GRXCR2: variants seen among roughly 807,000 people sequenced by gnomAD.
GRXCR2 encodes glutaredoxin and cysteine rich domain containing 2.
A neutral mutation model predicts 24.8 loss-of-function variants in GRXCR2; 23 were observed. The observed-to-expected ratio is 0.93, with a 90% CI of 0.67 to 1.32. The LOEUF (loss-of-function observed/expected upper bound fraction) is 1.32, where lower values mean the gene tolerates loss of function less well. Ranked by LOEUF, GRXCR2 falls within the 40% of genes most tolerant of loss-of-function variation. The probability of loss-of-function intolerance (pLI) is 0.00; values close to 1 mark genes in which losing one functional copy is unlikely to be tolerated. For synonymous variants in GRXCR2, 130 were observed against 116.1 expected (o/e 1.12, Z -0.77); for missense variants, 315 against 303.4 (o/e 1.04, Z -0.28).
At chr5:145,888,035 T>C (rs1436737156) in intron 2 of GRXCR2, among the ~76,000 whole-genome samples, 1 of 152,240 alleles carries the variant, frequency 6.6e-6, no homozygotes, top group East Asian at 1.9e-4. Flanking sequence ...CAGGTAATTG[T>C]TTAATTTATT....
chr5:145,923,979 G>A (rs1419041004), intron 2 of GRXCR2, among the ~76,000 whole-genome samples: 1 of 152,094 alleles, frequency 6.6e-6, no homozygotes, highest in Non-Finnish European at 1.5e-5. Flanking sequence ...GAATTACTGA[G>A]TGAAATGGAA....
intron 2 of GRXCR2, among the ~76,000 whole-genome samples, chr5:145,909,497 C>G (rs73308191): frequency 0.016 from 2,478 of 152,288 alleles, 64 homozygotes; most frequent in African/African-American, 0.056. Context: ...GAAGACTTTC[C>G]TGACCATCAA....
intron 2 of GRXCR2, among the ~76,000 whole-genome samples, chr5:145,883,517 A>G (rs528970104): frequency 1.2e-4 from 18 of 152,284 alleles, no homozygotes; most frequent in Non-Finnish European, 2.2e-4. Flanking sequence ...AAAAGAAATG[A>G]CTTTAACTTA....
At chr5:145,910,897 C>A (rs1757155755) in intron 2 of GRXCR2, among the ~76,000 whole-genome samples, 1 of 151,962 alleles carries the variant, frequency 6.6e-6, no homozygotes, top group Non-Finnish European at 1.5e-5. Flanking sequence ...CAACTACAGG[C>A]ACATCCCCAC....
intron 1 of GRXCR2, among the ~76,000 whole-genome samples, chr5:145,868,220 C>T (rs939918758): frequency 6.6e-6 from 1 of 152,142 alleles, no homozygotes; most frequent in Admixed American, 6.5e-5. Flanking sequence ...AATTATTCTT[C>T]TGTAGTGCAT....
rs376621659 is a variant in GRXCR2 at position 145,891,629 on chromosome 5, G to A, written c.-69-24901C>T. Among the ~76,000 whole-genome samples the A allele has an allele frequency of 7.9e-3, 1,205 of 152,248 alleles. 3 individuals carry two copies. Among genetic ancestry groups the A allele is most frequent in the Non-Finnish European group, 0.013 (879 of 68,018 alleles). On this transcript the variant is annotated intron_variant, in intron 2 of 3. Coordinates refer to the GRXCR2 transcript ENST00000639411. The stretch of plus-strand genomic sequence containing the variant: ...TGAGGTTTGAGTAGGTAAACAAAGC[G>A]GCCAGGAAGCTCGAACTCGGTGGAG...
chr5:145,873,024 G>T, upstream of GRXCR2: 1 of 1,446,928 alleles, frequency 6.9e-7, no homozygotes, highest in Non-Finnish European at 9.5e-7. Context: ...TGAAACTTGG[G>T]CCTCTGAGAA....
At chr5:145,926,060 T>C (rs1425483198) in intron 2 of GRXCR2, among the ~76,000 whole-genome samples, 3 of 152,094 alleles carry the variant, frequency 2.0e-5, no homozygotes, top group African/African-American at 4.8e-5. Flanking sequence ...TAAGGTTGCA[T>C]CCTGCTCCTG....
chr5:145,921,686 C>A (rs1757322686), intron 2 of GRXCR2, among the ~76,000 whole-genome samples: 1 of 152,154 alleles, frequency 6.6e-6, no homozygotes, highest in Non-Finnish European at 1.5e-5. Context: ...CAGCTCCTCA[C>A]CCAAAATACA....
chr5:145,907,495 C>T (rs1445971670), intron 2 of GRXCR2, among the ~76,000 whole-genome samples: 1 of 151,584 alleles, frequency 6.6e-6, no homozygotes, highest in Non-Finnish European at 1.5e-5. Context: ...TGCCACTGCA[C>T]TCCAGTCTGA....
upstream of GRXCR2, among the ~76,000 whole-genome samples, chr5:145,873,324 G>A (rs1230555837): frequency 1.3e-5 from 2 of 152,210 alleles, no homozygotes; most frequent in East Asian, 3.8e-4. Flanking sequence ...CACTCAATTA[G>A]TTAACAAGTG....
rs374891281 is a variant in GRXCR2, at chr5:145,866,723, T to C, written c.342A>G (p.Leu114=). 2 of 1,595,704 alleles carry C rather than the reference T, an allele frequency of 1.3e-6. No homozygotes were observed. The part of the protein sequence containing the change: ...NDYKANDHKP[L]PIIDFGKIII... The stretch of plus-strand genomic sequence containing the variant: ...TTATCTTTCCAAAATCTATAATAGG[T>C]AGGGGCTAGAGAAATGGAGAATGAG... The change falls in exon 2 of 3, where the codon CTA becomes CTG. Residue 114 remains leucine (L), a synonymous_variant. Transcript: ENST00000377976.
intron 1 of GRXCR2, among the ~76,000 whole-genome samples, chr5:145,870,839 A>G (rs550119358): frequency 6.6e-6 from 1 of 152,312 alleles, no homozygotes; most frequent in East Asian, 1.9e-4. Flanking sequence ...TAATGAGGCC[A>G]AGCAGGAATC....
chr5:145,859,707 A>G lies in GRXCR2; in HGVS notation c.*26T>C. On this transcript the variant is annotated 3_prime_UTR_variant, in exon 3 of 3. Transcript: ENST00000377976. Reference sequence around the variant, plus strand: ...GAAATAACTTTAGGGAGGGTAAGATAACAGTGGACATGCAAAAGCCACGGG... The same window carrying G: ...GAAATAACTTTAGGGAGGGTAAGATGACAGTGGACATGCAAAAGCCACGGG... 3.7e-6 allele frequency: 6 copies of G among 1,610,624 alleles called. No individual in the cohort carries two copies. Among genetic ancestry groups the G allele is most frequent in the Non-Finnish European group, 4.2e-6 (5 of 1,176,898 alleles).
intron 2 of GRXCR2, among the ~76,000 whole-genome samples, chr5:145,929,198 C>CATA (rs1554107328): frequency 1.2e-4 from 11 of 88,388 alleles, no homozygotes; most frequent in African/African-American, 6.3e-4. Context: ...AATATTCCCC[C>CATA]CTATATATAT....
chr5:145,918,135 G>T (rs1198003569), intron 2 of GRXCR2, among the ~76,000 whole-genome samples: 1 of 152,148 alleles, frequency 6.6e-6, no homozygotes, highest in Non-Finnish European at 1.5e-5. Context: ...TCCCGTGATT[G>T]CCACTTTTCA....
At chr5:145,890,935 G>T (rs547650597) in intron 2 of GRXCR2, among the ~76,000 whole-genome samples, 131 of 151,932 alleles carry the variant, frequency 8.6e-4, no homozygotes, top group African/African-American at 3.1e-3. Flanking sequence ...GAAAAGATCT[G>T]CCACACAAAT....
At chr5:145,918,587 A>G (rs944319885) in intron 2 of GRXCR2, among the ~76,000 whole-genome samples, 3 of 152,162 alleles carry the variant, frequency 2.0e-5, no homozygotes, top group African/African-American at 7.2e-5. Context: ...GGTAATTATG[A>G]CCAGTTCCTG....
chr5:145,881,641 A>T (rs1306184550), intron 2 of GRXCR2, among the ~76,000 whole-genome samples: 2 of 152,184 alleles, frequency 1.3e-5, no homozygotes, highest in African/African-American at 4.8e-5. Flanking sequence ...GCTACCAATG[A>T]CCTTCTTCAC....
Sources: allele counts gnomAD v4.1 joint callset (sites outside exome capture counted in the v4.1 genomes callset), GRCh38; gene constraint gnomAD v4.1.1; transcripts MANE v1.5; gene names NCBI Gene and HGNC (gene_info 2026-07-23, HGNC 2026-07-21).